MTHFD1L: variants seen among roughly 807,000 people sequenced by gnomAD.
MTHFD1L encodes monofunctional C1-tetrahydrofolate synthase, mitochondrial.
A neutral mutation model predicts 119.5 loss-of-function variants in MTHFD1L; 81 were observed. That is an observed-to-expected ratio of 0.68 (90% CI 0.57 to 0.82). MTHFD1L has a LOEUF of 0.82. Among genes scored for constraint, MTHFD1L ranks in the 40% least tolerant of loss-of-function variants. MTHFD1L has a pLI of 0.00. For missense variants in MTHFD1L, 1,125 were observed against 1,253.4 expected, an observed-to-expected ratio of 0.90 and a Z score of 1.55; for synonymous variants, 430 against 475.2, an observed-to-expected ratio of 0.90 and a Z score of 1.24.
chr6:150,869,321 C>T (rs1335981841), intron 1 of MTHFD1L, among the ~76,000 whole-genome samples: 1 of 152,068 alleles, frequency 6.6e-6, no homozygotes, highest in Non-Finnish European at 1.5e-5. Context: ...TGCTCTCCCT[C>T]CTCTTGCCCT....
chr6:151,067,455 C>T (rs1791446991), intron 26 of MTHFD1L, among the ~76,000 whole-genome samples: 1 of 151,956 alleles, frequency 6.6e-6, no homozygotes, highest in Admixed American at 6.6e-5. Flanking sequence ...TCCTGTGTAG[C>T]TGGGATTCCA....
At chr6:151,063,429 T>C (rs75742973) in intron 26 of MTHFD1L, among the ~76,000 whole-genome samples, 5,699 of 152,320 alleles carry the variant, frequency 0.037, 170 homozygotes, top group Admixed American at 0.1. Context: ...GTCATCTAAA[T>C]GGTCTTTGTT....
intron 11 of MTHFD1L, chr6:150,935,000 C>G (rs568737769): frequency 1.9e-6 from 3 of 1,600,976 alleles, no homozygotes; most frequent in South Asian, 2.3e-5. Flanking sequence ...AGACTTCTAT[C>G]CTGTCCAACC....
intron 18 of MTHFD1L, among the ~76,000 whole-genome samples, chr6:150,961,633 GT>G (rs1394116609): frequency 6.6e-6 from 1 of 152,200 alleles, no homozygotes; most frequent in African/African-American, 2.4e-5. Context: ...AGGGCTTAGG[GT>G]ATAATTTGAA....
In MTHFD1L at chr6:151,054,188, A is replaced by G. The variant is rs1009125329; in HGVS notation, c.2847+17071A>G. ...CATTTGAGGCATAAATTGGAAACTT[A>G]TATCTTTCTTTGGAGTAGGAAGTAT... On this transcript the variant is annotated intron_variant, in intron 26 of 27. Coordinates refer to ENST00000367321, the MANE Select transcript of MTHFD1L (RefSeq NM_015440.5). Among the ~76,000 whole-genome samples, 7 of 152,178 alleles carry G rather than the reference A, an allele frequency of 4.6e-5. No individual in the cohort carries two copies. The South Asian group carries it at 6.2e-4, about 14-fold the overall frequency.
At chr6:150,961,089 CTTTTTTT>C (rs35978918) in intron 18 of MTHFD1L, among the ~76,000 whole-genome samples, 3 of 113,406 alleles carry the variant, frequency 2.6e-5, no homozygotes, top group Admixed American at 9.4e-5. Flanking sequence ...TTCCTGTTAA[CTTTTTTT>C]TTTTTTTTTT....
intron 24 of MTHFD1L, among the ~76,000 whole-genome samples, chr6:151,021,016 C>T (rs185742076): frequency 6.6e-6 from 1 of 152,170 alleles, no homozygotes; most frequent in Non-Finnish European, 1.5e-5. Context: ...GAAATGGACG[C>T]TTGATAGGAG....
intron 27 of MTHFD1L, among the ~76,000 whole-genome samples, chr6:151,092,807 C>T (rs1794573012): frequency 6.6e-6 from 1 of 152,092 alleles, no homozygotes; most frequent in Non-Finnish European, 1.5e-5. Flanking sequence ...CCTTAGTGTC[C>T]TGCGCTCGAG....
chr6:151,076,106 CAT>C (rs1792476316), intron 26 of MTHFD1L, among the ~76,000 whole-genome samples: 1 of 152,190 alleles, frequency 6.6e-6, no homozygotes, highest in African/African-American at 2.4e-5. Context: ...CACAGTAGCT[CAT>C]GCCTGTAATC....
intron 2 of MTHFD1L, among the ~76,000 whole-genome samples, chr6:150,877,106 G>T (rs962162069): frequency 6.6e-6 from 1 of 152,156 alleles, no homozygotes; most frequent in Non-Finnish European, 1.5e-5. Flanking sequence ...GAGCTGGAGT[G>T]CAGTGGCATG....
intron 1 of MTHFD1L, among the ~76,000 whole-genome samples, chr6:150,871,692 C>T (rs1250946682): frequency 2.0e-5 from 3 of 150,840 alleles, no homozygotes; most frequent in South Asian, 4.2e-4. Flanking sequence ...TTAGTAGAAA[C>T]GGGGTTTCAC....
chr6:150,964,472 T>C (rs573147511), intron 18 of MTHFD1L, among the ~76,000 whole-genome samples: 1 of 152,326 alleles, frequency 6.6e-6, no homozygotes, highest in African/African-American at 2.4e-5. Flanking sequence ...TGTTGAGTTA[T>C]TCTCTCTCTG....
intron 26 of MTHFD1L, among the ~76,000 whole-genome samples, chr6:151,072,893 A>G (rs1792092038): frequency 6.6e-6 from 1 of 152,230 alleles, no homozygotes; most frequent in South Asian, 2.1e-4. Flanking sequence ...GAGAAGGTAG[A>G]GTAACAGGGT....
intron 26 of MTHFD1L, among the ~76,000 whole-genome samples, chr6:151,073,454 G>C (rs376264546): frequency 1.3e-5 from 2 of 152,264 alleles, no homozygotes; most frequent in East Asian, 1.9e-4. Flanking sequence ...TCCAAAATTA[G>C]CAGGCATGCA....
chr6:150,987,458 C>T (rs1161243166), intron 20 of MTHFD1L, among the ~76,000 whole-genome samples: 4 of 152,196 alleles, frequency 2.6e-5, no homozygotes, highest in East Asian at 3.8e-4. Flanking sequence ...GACCTGGCTA[C>T]GTGCTGAGCA....
chr6:151,088,080 G>A (rs995579305), intron 26 of MTHFD1L: 1 of 152,204 alleles, frequency 6.6e-6, no homozygotes. Flanking sequence ...GTATGTCTGG[G>A]GGGGTGACAA....
intron 26 of MTHFD1L, among the ~76,000 whole-genome samples, chr6:151,075,864 A>C (rs1309697778): frequency 6.6e-6 from 1 of 152,234 alleles, no homozygotes; most frequent in African/African-American, 2.4e-5. Context: ...AAATATTTGC[A>C]AGTTATCTAT....
intron 7 of MTHFD1L, among the ~76,000 whole-genome samples, chr6:150,894,608 G>A (rs1256499267): frequency 6.6e-6 from 1 of 152,140 alleles, no homozygotes; most frequent in Admixed American, 6.5e-5. Flanking sequence ...TTGTTACTTG[G>A]AAGTCACTCT....
At chr6:150,970,035 CA>C (rs1431034696) in intron 19 of MTHFD1L, among the ~76,000 whole-genome samples, 1 of 152,070 alleles carries the variant, frequency 6.6e-6, no homozygotes, top group Admixed American at 6.5e-5. Context: ...GCAGATAATC[CA>C]AAAATCTAGT....
Sources: allele counts gnomAD v4.1 joint callset (sites outside exome capture counted in the v4.1 genomes callset), GRCh38; gene constraint gnomAD v4.1.1; transcripts MANE v1.5; gene names NCBI Gene and HGNC (gene_info 2026-07-23, HGNC 2026-07-21).